FBXL17: variants seen among roughly 807,000 people sequenced by gnomAD.
FBXL17 encodes the protein F-box and leucine rich repeat protein 17.
A neutral mutation model predicts 66.2 loss-of-function variants in FBXL17; 22 were observed. The observed-to-expected ratio is 0.33, with a 90% CI of 0.24 to 0.47. FBXL17 has a LOEUF of 0.47. Ranked by LOEUF, FBXL17 falls within the 20% of genes least tolerant of loss-of-function variation. The pLI, the probability that FBXL17 is intolerant of heterozygous loss-of-function variation, is 1.00. For synonymous variants in FBXL17, 474 were observed against 400.5 expected, an observed-to-expected ratio of 1.18 and a Z score of -2.19; for missense variants, 878 against 948.2, an observed-to-expected ratio of 0.93 and a Z score of 0.97.
chr5:108,334,000 T>C (rs1458586875), intron 4 of FBXL17, among the ~76,000 whole-genome samples: 1 of 152,186 alleles, frequency 6.6e-6, no homozygotes, highest in Admixed American at 6.5e-5. Flanking sequence ...AATTAGAAGC[T>C]TGAGAAATGT....
intron 7 of FBXL17, among the ~76,000 whole-genome samples, chr5:107,959,415 CACAGG>C (rs954233399): frequency 2.9e-5 from 4 of 140,222 alleles, no homozygotes; most frequent in African/African-American, 1.0e-4. Flanking sequence ...CACACACACA[CACAGG>C]CAACACTTTA....
chr5:108,292,916 C>T (rs1758174410), intron 4 of FBXL17, among the ~76,000 whole-genome samples: 1 of 151,856 alleles, frequency 6.6e-6, no homozygotes, highest in African/African-American at 2.4e-5. Context: ...TGGTGAAACC[C>T]CATCTCTACT....
chr5:108,055,518 A>T (rs1422394670), intron 6 of FBXL17, among the ~76,000 whole-genome samples: 1 of 147,766 alleles, frequency 6.8e-6, no homozygotes, highest in Non-Finnish European at 1.5e-5. Context: ...CTGAGGCAGG[A>T]GAATGGCGTG....
At chr5:107,959,290 G>A (rs1751795487) in intron 7 of FBXL17, among the ~76,000 whole-genome samples, 1 of 151,570 alleles carries the variant, frequency 6.6e-6, no homozygotes, top group Non-Finnish European at 1.5e-5. Context: ...TAATTTAGAA[G>A]TACCTTATAT....
chr5:108,312,941 A>C (rs1759193000), intron 4 of FBXL17, among the ~76,000 whole-genome samples: 1 of 152,162 alleles, frequency 6.6e-6, no homozygotes, highest in African/African-American at 2.4e-5. Flanking sequence ...CATATGAAAT[A>C]AAATGAATTT....
rs1751137062 is a variant in FBXL17, at chr5:107,942,418, C to T, written c.1823-61239G>A. ...TTAAATGGGCCTTCTCAGTAATCAC[C>T]CAACTTGATCTGCAAATTCTTACCA... is the stretch of plus-strand genomic sequence containing the variant. On this transcript the variant is annotated intron_variant, in intron 7 of 8. Coordinates refer to ENST00000542267, the MANE Select transcript of FBXL17 (RefSeq NM_001163315.3). Among the ~76,000 whole-genome samples, 4 of 152,098 alleles carry T rather than the reference C, an allele frequency of 2.6e-5. 1 individual carries two copies. The highest frequency in any genetic ancestry group is 2.6e-4 in the Admixed American group (4 of 15,266).
At chr5:107,920,674 A>T (rs1007155159) in intron 7 of FBXL17, among the ~76,000 whole-genome samples, 1 of 152,220 alleles carries the variant, frequency 6.6e-6, no homozygotes, top group Non-Finnish European at 1.5e-5. Context: ...GAGAAAATTG[A>T]ATGACTTCTG....
intron 4 of FBXL17, among the ~76,000 whole-genome samples, chr5:108,237,001 C>T (rs750056639): frequency 6.6e-6 from 1 of 152,124 alleles, no homozygotes; most frequent in Non-Finnish European, 1.5e-5. Context: ...TGACTATCCT[C>T]TCTGCCATGT....
chr5:108,183,264 C>T (rs1270080179), intron 6 of FBXL17, among the ~76,000 whole-genome samples: 1 of 152,046 alleles, frequency 6.6e-6, no homozygotes, highest in Non-Finnish European at 1.5e-5. Flanking sequence ...TGGTCTCAAT[C>T]TCTTGACCTT....
At chr5:108,185,181 T>C (rs1561452805) in intron 6 of FBXL17, among the ~76,000 whole-genome samples, 1 of 152,154 alleles carries the variant, frequency 6.6e-6, no homozygotes, top group African/African-American at 2.4e-5. Flanking sequence ...AAATTACATA[T>C]ATATATACTG....
intron 1 of FBXL17, among the ~76,000 whole-genome samples, chr5:108,373,169 C>T (rs1246188568): frequency 6.9e-6 from 1 of 145,278 alleles, no homozygotes; most frequent in Non-Finnish European, 1.5e-5. Context: ...ATATAATTCT[C>T]ATATATACAT....
chr5:107,952,496 T>G (rs10072411), intron 7 of FBXL17, among the ~76,000 whole-genome samples: 11,260 of 152,282 alleles, frequency 0.074, 545 homozygotes, highest in South Asian at 0.13. Flanking sequence ...GGTCAAATCT[T>G]AAAGAAAGTA....
chr5:107,875,949 C>T (rs17370371), intron 8 of FBXL17, among the ~76,000 whole-genome samples: 3,754 of 152,300 alleles, frequency 0.025, 55 homozygotes, highest in Non-Finnish European at 0.039. Context: ...CTTTTCTGGG[C>T]GGGCTCTTCA....
intron 7 of FBXL17, among the ~76,000 whole-genome samples, chr5:107,940,167 T>C (rs573347202): frequency 1.3e-5 from 2 of 151,906 alleles, no homozygotes; most frequent in South Asian, 2.1e-4. Flanking sequence ...AGTGGCAGAG[T>C]TGTCATTTGA....
chr5:108,103,513 A>C (rs569529791), intron 6 of FBXL17, among the ~76,000 whole-genome samples: 8 of 152,328 alleles, frequency 5.3e-5, no homozygotes, highest in African/African-American at 1.9e-4. Context: ...AAATACTATT[A>C]ATCTAATTTA....
At chr5:107,997,612 C>G (rs970537924) in intron 7 of FBXL17, among the ~76,000 whole-genome samples, 4 of 152,132 alleles carry the variant, frequency 2.6e-5, no homozygotes, top group Non-Finnish European at 4.4e-5. Context: ...CAAGCAGTTA[C>G]AAAGGAGATG....
intron 3 of FBXL17, among the ~76,000 whole-genome samples, chr5:108,354,468 G>A (rs1196935829): frequency 6.6e-6 from 1 of 151,764 alleles, no homozygotes; most frequent in Non-Finnish European, 1.5e-5. Flanking sequence ...GAAAAAAAAT[G>A]AACAGAATAT....
At chr5:108,276,578 C>T (rs1020501204) in intron 4 of FBXL17, among the ~76,000 whole-genome samples, 2 of 152,100 alleles carry the variant, frequency 1.3e-5, no homozygotes, top group Non-Finnish European at 2.9e-5. Context: ...ATAATGATCT[C>T]TGACAAGCTA....
At chr5:108,231,950 G>A (rs930495934) in intron 4 of FBXL17, among the ~76,000 whole-genome samples, 1 of 152,082 alleles carries the variant, frequency 6.6e-6, no homozygotes, top group Non-Finnish European at 1.5e-5. Flanking sequence ...CCACAGGGAT[G>A]AAGGTTTGGG....
Sources: allele counts gnomAD v4.1 joint callset (sites outside exome capture counted in the v4.1 genomes callset), GRCh38; gene constraint gnomAD v4.1.1; transcripts MANE v1.5; gene names NCBI Gene and HGNC (gene_info 2026-07-23, HGNC 2026-07-21).